Variants in PLEKHM3 observed in about 807,000 individuals in gnomAD.
PLEKHM3 encodes the protein pleckstrin homology domain-containing family M member 3.
PLEKHM3 carries 45 observed loss-of-function variants against 81.8 expected under a neutral mutation model. The observed-to-expected ratio is 0.55, with a 90% CI of 0.43 to 0.71. PLEKHM3 has a LOEUF of 0.71. PLEKHM3 is among the 30% of genes least tolerant of loss of function. PLEKHM3 has a pLI of 0.00. For synonymous variants in PLEKHM3, 352 were observed against 356.4 expected (o/e 0.99, Z 0.14); for missense variants, 788 against 924.3 (o/e 0.85, Z 1.91).
intron 3 of PLEKHM3, among the ~76,000 whole-genome samples, chr2:207,957,858 G>A (rs577957688): frequency 1.5e-4 from 23 of 152,194 alleles, no homozygotes; most frequent in African/African-American, 5.5e-4. Flanking sequence ...TCTCAACCAA[G>A]GGAGATTGTT....
intron 6 of PLEKHM3, among the ~76,000 whole-genome samples, chr2:207,896,569 T>C (rs544814006): frequency 1.4e-4 from 22 of 152,320 alleles, no homozygotes; most frequent in Non-Finnish European, 2.9e-4. Flanking sequence ...TTCAGGGAGA[T>C]GCATGGAATT....
chr2:207,914,991 A>G (rs1688937038), intron 5 of PLEKHM3, among the ~76,000 whole-genome samples: 2 of 152,198 alleles, frequency 1.3e-5, no homozygotes, highest in African/African-American at 4.8e-5. Context: ...TCAACTCCAC[A>G]CTTCACTCGC....
intron 6 of PLEKHM3, among the ~76,000 whole-genome samples, chr2:207,894,073 T>C (rs1188103243): frequency 1.3e-5 from 2 of 152,284 alleles, no homozygotes; most frequent in East Asian, 1.9e-4. Flanking sequence ...GCTGGGATCA[T>C]GCACTACATT....
At chr2:207,985,757 T>C (rs1392383167) in intron 2 of PLEKHM3, among the ~76,000 whole-genome samples, 1 of 151,916 alleles carries the variant, frequency 6.6e-6, no homozygotes, top group Non-Finnish European at 1.5e-5. Flanking sequence ...GAGGCTGAGG[T>C]GGGCGGATCA....
Position 207,828,189 on chromosome 2 carries a change from T to C in PLEKHM3, c.*130A>G, listed in dbSNP as rs2092263454. ...GTATTTGCGTATATATAAATAAATA[T>C]ATATATCTATATCTAGTTGAAGAGG... On this transcript the variant is annotated 3_prime_UTR_variant, in exon 8 of 8. Transcript: ENST00000427836. 4.2e-6 allele frequency: 3 copies of C among 712,644 alleles called. No homozygotes were observed. Among genetic ancestry groups the C allele is most frequent in the Non-Finnish European group, 6.6e-6 (3 of 454,366 alleles). 44.1% of individuals were successfully genotyped at this position (712,644 alleles called of 1,614,324 possible).
intron 2 of PLEKHM3, among the ~76,000 whole-genome samples, chr2:207,987,871 T>C (rs561682229): frequency 6.6e-6 from 1 of 152,330 alleles, no homozygotes; most frequent in South Asian, 2.1e-4. Flanking sequence ...ACTGGACTCC[T>C]AGCTTCTCAA....
intron 6 of PLEKHM3, among the ~76,000 whole-genome samples, chr2:207,885,882 G>GATCA (rs1271640418): frequency 3.9e-5 from 6 of 152,314 alleles, no homozygotes; most frequent in Non-Finnish European, 8.8e-5. Context: ...GAAAATGCTT[G>GATCA]AGTACACTTT....
chr2:208,006,901 A>T (rs1048687546), intron 1 of PLEKHM3, among the ~76,000 whole-genome samples: 4 of 152,248 alleles, frequency 2.6e-5, no homozygotes, highest in African/African-American at 9.6e-5. Context: ...GAATCAGTGT[A>T]TCGCTATTTC....
chr2:207,846,066 G>A (rs1237500108), intron 7 of PLEKHM3, among the ~76,000 whole-genome samples: 8 of 152,248 alleles, frequency 5.3e-5, no homozygotes, highest in African/African-American at 1.7e-4. Context: ...GTCCAGCAGA[G>A]TGGTGGCTTG....
At chr2:207,883,269 T>C (rs1251462356) in intron 6 of PLEKHM3, among the ~76,000 whole-genome samples, 1 of 152,206 alleles carries the variant, frequency 6.6e-6, no homozygotes, top group African/African-American at 2.4e-5. Flanking sequence ...CTCTTTTCTG[T>C]GGCCTTAGAT....
chr2:207,913,766 A>C (rs549763100), intron 5 of PLEKHM3, among the ~76,000 whole-genome samples: 1 of 152,254 alleles, frequency 6.6e-6, no homozygotes, highest in Admixed American at 6.5e-5. Context: ...GGGCATACTT[A>C]AATGCTAACA....
intron 1 of PLEKHM3, among the ~76,000 whole-genome samples, chr2:208,011,123 C>A (rs1209794321): frequency 6.7e-6 from 1 of 148,942 alleles, no homozygotes; most frequent in Non-Finnish European, 1.5e-5. Flanking sequence ...AAAGGGAACA[C>A]TTCTACACTG....
intron 5 of PLEKHM3, among the ~76,000 whole-genome samples, chr2:207,921,160 T>G (rs528964124): frequency 6.6e-6 from 1 of 152,146 alleles, no homozygotes; most frequent in African/African-American, 2.4e-5. Context: ...GTGATTCTCC[T>G]GCCTCAGCCT....
At chr2:207,907,394 C>A (rs186110099) in intron 6 of PLEKHM3, among the ~76,000 whole-genome samples, 50 of 152,042 alleles carry the variant, frequency 3.3e-4, no homozygotes, top group African/African-American at 1.0e-3. Flanking sequence ...CCCAGCTACT[C>A]GGGAGGCTGA....
intron 7 of PLEKHM3, among the ~76,000 whole-genome samples, chr2:207,846,735 A>ATT (rs772660957): frequency 6.7e-6 from 1 of 149,978 alleles, no homozygotes; most frequent in Non-Finnish European, 1.5e-5. Flanking sequence ...AAAAAAAAAA[A>ATT]TTTTTTTTTT....
chr2:207,984,818 G>T (rs182100611), intron 2 of PLEKHM3, among the ~76,000 whole-genome samples: 1 of 152,086 alleles, frequency 6.6e-6, no homozygotes, highest in Non-Finnish European at 1.5e-5. Context: ...GAAGAAGCTG[G>T]TTCATTTATC....
intron 4 of PLEKHM3, 139 bp downstream of exon 4, chr2:207,946,228 T>G: frequency 1.1e-6 from 1 of 876,248 alleles, no homozygotes; most frequent in Admixed American, 2.7e-5. Flanking sequence ...TAAGAAGCAT[T>G]AGGTAAGGTC....
intron 6 of PLEKHM3, among the ~76,000 whole-genome samples, chr2:207,894,701 G>C (rs1330556947): frequency 6.6e-6 from 1 of 152,174 alleles, no homozygotes; most frequent in Non-Finnish European, 1.5e-5. Context: ...CTCTAAAGAA[G>C]GGAGTCCTTC....
At position 207,828,492 on chromosome 2, in the gene PLEKHM3, C is replaced by T. The variant is rs1208456271; in HGVS notation, c.2113G>A (p.Glu705Lys). Reference sequence around the variant, plus strand: ...GAATGGAAAACGGCTCCACAGCTTTCACACCTGCAAAAGTCAACCATGGAT... The same window carrying T: ...GAATGGAAAACGGCTCCACAGCTTTTACACCTGCAAAAGTCAACCATGGAT... ...PFEDISTSRC[E>K]SCGAVFHSEC... Residue 705 changes from glutamate (E) to lysine (K), a missense_variant, in exon 8 of 8, where the codon GAA becomes AAA. Glu to Lys is a moderately conservative substitution (Grantham distance 56, BLOSUM62 1). Coordinates refer to ENST00000427836, the MANE Select transcript of PLEKHM3 (RefSeq NM_001080475.3). 3.7e-6 allele frequency: 6 copies of T among 1,613,400 alleles called. No individual in the cohort carries two copies. The African/African-American group carries it at 6.7e-5, about 18-fold the overall frequency.
Sources: allele counts gnomAD v4.1 joint callset (sites outside exome capture counted in the v4.1 genomes callset), GRCh38; gene constraint gnomAD v4.1.1; transcripts MANE v1.5; gene names NCBI Gene and HGNC (gene_info 2026-07-23, HGNC 2026-07-21).